The following CFAP221 variants were observed in gnomAD, a reference collection of about 807,000 sequenced individuals.
CFAP221 encodes the protein cilia and flagella associated protein 221, also known as cilia- and flagella-associated protein 221.
Under a neutral mutation model 113.1 loss-of-function variants are expected in CFAP221, and 97 were observed. The observed-to-expected ratio is 0.86, with a 90% CI of 0.73 to 1.02. CFAP221 has a LOEUF of 1.02. CFAP221 is among the 50% of genes least tolerant of loss of function. The probability of loss-of-function intolerance (pLI) is 0.00; values close to 1 mark genes in which losing one functional copy is unlikely to be tolerated. For missense variants in CFAP221, 1,025 were observed against 1,013.4 expected (o/e 1.01, Z -0.16); for synonymous variants, 331 against 354.4 (o/e 0.93, Z 0.74).
rs146154437 is a variant in CFAP221, at chr2:119,600,165, T to G, written c.632-1053T>G. 3.7e-3 allele frequency among the ~76,000 whole-genome samples: 570 copies of G among 152,218 alleles called. 6 individuals are homozygous for G. Among genetic ancestry groups the G allele is most frequent in the African/African-American group, 0.013 (536 of 41,524 alleles). On this transcript the variant is annotated intron_variant, in intron 7 of 23. Transcript: ENST00000413369. Reference sequence around the variant, plus strand: ...CTAGTTGGGGACAGCAATAAGTAAATAAATAAATAACATTGATCCTCCCTT... The same window carrying G: ...CTAGTTGGGGACAGCAATAAGTAAAGAAATAAATAACATTGATCCTCCCTT...
intron 12 of CFAP221, among the ~76,000 whole-genome samples, 179 bp downstream of exon 12, chr2:119,608,768 C>G (rs1418514535): frequency 6.6e-6 from 1 of 152,168 alleles, no homozygotes. Context: ...GAGACCTATA[C>G]TAAGTTTTGT....
intron 6 of CFAP221, among the ~76,000 whole-genome samples, chr2:119,574,699 T>A (rs1271043505): frequency 2.0e-5 from 3 of 152,108 alleles, no homozygotes; most frequent in Non-Finnish European, 4.4e-5. Context: ...TGCACACACA[T>A]GCATGCACAC....
At chr2:119,590,714 A>C (rs1683540355) in intron 7 of CFAP221, among the ~76,000 whole-genome samples, 1 of 152,336 alleles carries the variant, frequency 6.6e-6, no homozygotes. Flanking sequence ...TTTATCACAT[A>C]ATAAGCCCTA....
At chr2:119,572,115 G>T (rs1682102262) in intron 6 of CFAP221, among the ~76,000 whole-genome samples, 1 of 152,180 alleles carries the variant, frequency 6.6e-6, no homozygotes, top group African/African-American at 2.4e-5. Flanking sequence ...GGATTTGATG[G>T]TTATAAATTT....
At chr2:119,654,002 A>G (rs547311005) in intron 23 of CFAP221, among the ~76,000 whole-genome samples, 2 of 152,238 alleles carry the variant, frequency 1.3e-5, no homozygotes, top group African/African-American at 4.8e-5. Context: ...TCATTTATTA[A>G]AGATAATTAC....
At chr2:119,570,870 T>C (rs1169384283) in intron 6 of CFAP221, among the ~76,000 whole-genome samples, 1 of 152,250 alleles carries the variant, frequency 6.6e-6, no homozygotes, top group Non-Finnish European at 1.5e-5. Flanking sequence ...TAAGGATACA[T>C]ATTTTCATTT....
At chr2:119,585,535 T>C (rs1433162152) in intron 6 of CFAP221, among the ~76,000 whole-genome samples, 1 of 152,232 alleles carries the variant, frequency 6.6e-6, no homozygotes, top group Non-Finnish European at 1.5e-5. Flanking sequence ...CATGCTGATA[T>C]ACCCAAAGCA....
intron 7 of CFAP221, among the ~76,000 whole-genome samples, chr2:119,587,629 A>G (rs1683313308): frequency 1.3e-5 from 2 of 152,212 alleles, no homozygotes; most frequent in African/African-American, 2.4e-5. Context: ...GCCCCAGAGG[A>G]CATAGATCAC....
intron 7 of CFAP221, among the ~76,000 whole-genome samples, chr2:119,598,677 GC>G (rs1684160459): frequency 6.6e-6 from 1 of 152,198 alleles, no homozygotes; most frequent in African/African-American, 2.4e-5. Context: ...TGAGCAGTAA[GC>G]TGTAACTCCT....
At chr2:119,660,279 C>T (rs1574255757), downstream of CFAP221, 3 of 152,234 alleles carry the variant, frequency 2.0e-5, no homozygotes, top group Non-Finnish European at 1.5e-5. Flanking sequence ...AGTTGTAACC[C>T]GTTTCCACCA....
chr2:119,646,961 C>G lies in CFAP221; in HGVS notation c.2229C>G (p.Cys743Trp). The change falls in exon 22 of 24, where the codon TGC becomes TGG. Residue 743 changes from cysteine to tryptophan, a missense_variant. Cys to Trp is a radical substitution (Grantham distance 215, BLOSUM62 -2). Coordinates refer to ENST00000413369, the MANE Select transcript of CFAP221 (RefSeq NM_001271049.2). ...TGCTTGTGTGGTTTTTCCACAGCTG[C>G]GATTCCTTCAATTCATTTATGCTTC... Reference protein sequence around the residue: ...DPSKMETTKSCDSFNSFMLPI... With the variant: ...DPSKMETTKSWDSFNSFMLPI... 6.2e-7 allele frequency: 1 copy of G among 1,613,012 alleles called. No individual in the cohort carries two copies. The highest frequency in any genetic ancestry group is 8.5e-7 in the Non-Finnish European group (1 of 1,179,268).
At chr2:119,657,266 T>TA (rs1175627586), downstream of CFAP221, among the ~76,000 whole-genome samples, 1 of 152,230 alleles carries the variant, frequency 6.6e-6, no homozygotes, top group Non-Finnish European at 1.5e-5. Flanking sequence ...TGTATGTTTG[T>TA]AGTCTTCATT....
chr2:119,625,931 C>T, intron 15 of CFAP221: 1 of 486,828 alleles, frequency 2.1e-6, no homozygotes, highest in East Asian at 3.6e-5. Context: ...CTCAACCTAG[C>T]ATTCACACAT....
At chr2:119,655,078 C>T (rs1312037015) in intron 23 of CFAP221, among the ~76,000 whole-genome samples, 1 of 152,204 alleles carries the variant, frequency 6.6e-6, no homozygotes, top group East Asian at 1.9e-4. Context: ...AACACATCAG[C>T]AGTGTCCCAT....
At chr2:119,610,516 A>G (rs943190282) in intron 12 of CFAP221, among the ~76,000 whole-genome samples, 10 of 152,172 alleles carry the variant, frequency 6.6e-5, no homozygotes, top group African/African-American at 2.4e-4. Flanking sequence ...TATTCTAGCT[A>G]GTGATCTATT....
In CFAP221 at chr2:119,656,443, A is replaced by C. The variant is rs1688439875; in HGVS notation, c.2496A>C (p.Ala832=). The C allele has an allele frequency of 1.2e-6, 2 of 1,613,888 alleles. No homozygotes were observed. The highest frequency in any genetic ancestry group is 1.7e-6 in the Non-Finnish European group (2 of 1,179,856). ...AGATGAGGAACCTGCGGGGCAAAGC[A>C]CTCAACACATACCTGATTCTAGAAT... ...LEEMRNLRGK[A]LNTYLILE Residue 832 remains alanine (A), a synonymous_variant, in exon 24 of 24, where the codon GCA becomes GCC. Coordinates refer to ENST00000413369, the MANE Select transcript of CFAP221 (RefSeq NM_001271049.2).
rs757873642 is a variant in CFAP221 at position 119,627,636 on chromosome 2, CT to C, written c.1517-10del. On this transcript the variant is annotated splice_polypyrimidine_tract_variant and intron_variant, in intron 15 of 23. Coordinates refer to ENST00000413369, the MANE Select transcript of CFAP221 (RefSeq NM_001271049.2). Reference sequence around the variant, plus strand: ...ACCTTTAGTACCCCCTAAAAGTGCCCTTTTTTTCACCCATAGAGGCGAATTT... The same window carrying C: ...ACCTTTAGTACCCCCTAAAAGTGCCCTTTTTTCACCCATAGAGGCGAATTT... 7 of 1,611,160 alleles carry C rather than the reference CT, an allele frequency of 4.3e-6. No individual in the cohort carries two copies. The highest frequency in any genetic ancestry group is 1.7e-4 in the Middle Eastern group (1 of 6,042).
intron 21 of CFAP221, among the ~76,000 whole-genome samples, chr2:119,641,109 T>G (rs66813522): frequency 0.17 from 26,175 of 152,176 alleles, 2,979 homozygotes; most frequent in East Asian, 0.41. Flanking sequence ...GACTTCCTCC[T>G]TCATCATCTT....
intron 3 of CFAP221, 136 bp downstream of exon 3, chr2:119,549,321 C>G: frequency 1.5e-6 from 1 of 667,806 alleles, no homozygotes; most frequent in Non-Finnish European, 2.4e-6. Context: ...AAAGGTAGTT[C>G]TATGATGAGA....
Sources: allele counts gnomAD v4.1 joint callset (sites outside exome capture counted in the v4.1 genomes callset), GRCh38; gene constraint gnomAD v4.1.1; transcripts MANE v1.5; gene names NCBI Gene and HGNC (gene_info 2026-07-23, HGNC 2026-07-21).